SUPT3H: variants seen among roughly 807,000 people sequenced by gnomAD.
The protein encoded by SUPT3H is SPT3 homolog, SAGA and STAGA complex component.
A neutral mutation model predicts 44.3 loss-of-function variants in SUPT3H; 44 were observed. The ratio of observed to expected loss-of-function variants is 0.99; its 90% CI spans 0.78 to 1.28. The LOEUF is 1.28. Ranked by LOEUF, SUPT3H falls within the 50% of genes most tolerant of loss-of-function variation. The pLI, the probability that SUPT3H is intolerant of heterozygous loss-of-function variation, is 0.00. For synonymous variants in SUPT3H, 124 were observed against 125.6 expected, an observed-to-expected ratio of 0.99 and a Z score of 0.09; for missense variants, 380 against 387.1, an observed-to-expected ratio of 0.98 and a Z score of 0.15.
chr6:45,338,618 T>G (rs1789113820), intron 2 of SUPT3H, among the ~76,000 whole-genome samples: 1 of 152,152 alleles, frequency 6.6e-6, no homozygotes, highest in Admixed American at 6.5e-5. Flanking sequence ...ACTGACCATG[T>G]GATAAAAATA....
At chr6:44,911,530 T>C (rs565439436) in intron 10 of SUPT3H, among the ~76,000 whole-genome samples, 2 of 152,228 alleles carry the variant, frequency 1.3e-5, no homozygotes, top group Non-Finnish European at 2.9e-5. Flanking sequence ...AGTACCATCA[T>C]GATGGTCTTG....
chr6:45,145,194 G>T (rs1805844935), intron 2 of SUPT3H, among the ~76,000 whole-genome samples: 1 of 151,880 alleles, frequency 6.6e-6, no homozygotes, highest in Non-Finnish European at 1.5e-5. Flanking sequence ...GACCAATAAA[G>T]ATCCTACATA....
At chr6:45,024,721 T>C (rs1785692493) in intron 3 of SUPT3H, among the ~76,000 whole-genome samples, 1 of 152,172 alleles carries the variant, frequency 6.6e-6, no homozygotes, top group Non-Finnish European at 1.5e-5. Flanking sequence ...GGAGTGACTA[T>C]GAGGGTGTTT....
chr6:45,127,875 T>G (rs1315174195), intron 2 of SUPT3H, among the ~76,000 whole-genome samples: 2 of 152,222 alleles, frequency 1.3e-5, no homozygotes, highest in Non-Finnish European at 2.9e-5. Flanking sequence ...TTTAGATTCA[T>G]CTAATAAATT....
intron 6 of SUPT3H, among the ~76,000 whole-genome samples, chr6:44,990,100 G>A (rs1268212206): frequency 1.3e-5 from 2 of 152,184 alleles, no homozygotes; most frequent in East Asian, 1.9e-4. Flanking sequence ...TTTGCCCTAT[G>A]TTTTCTCCTA....
intron 3 of SUPT3H, among the ~76,000 whole-genome samples, chr6:45,076,988 C>T (rs1019771783): frequency 6.6e-6 from 1 of 152,070 alleles, no homozygotes; most frequent in Non-Finnish European, 1.5e-5. Context: ...TTCATGCATG[C>T]TATGTTCCCC....
intron 3 of SUPT3H, among the ~76,000 whole-genome samples, chr6:45,104,034 AAG>A (rs1459180371): frequency 6.6e-5 from 10 of 152,158 alleles, no homozygotes; most frequent in African/African-American, 2.2e-4. Context: ...AAAGAAATGT[AAG>A]AGACTTCATC....
chr6:44,862,023 C>T (rs1049730928), intron 10 of SUPT3H, among the ~76,000 whole-genome samples: 9 of 152,132 alleles, frequency 5.9e-5, no homozygotes, highest in African/African-American at 2.2e-4. Flanking sequence ...AAGGACACTA[C>T]CTTAAGGATT....
intron 2 of SUPT3H, among the ~76,000 whole-genome samples, chr6:45,303,103 T>G (rs1181621256): frequency 6.6e-6 from 1 of 152,168 alleles, no homozygotes; most frequent in Non-Finnish European, 1.5e-5. Flanking sequence ...TCTCTCACCT[T>G]ATACAAAAAT....
chr6:45,374,180 G>C (rs1314765280), intron 1 of SUPT3H, among the ~76,000 whole-genome samples: 3 of 152,114 alleles, frequency 2.0e-5, no homozygotes, highest in Non-Finnish European at 4.4e-5. Context: ...AATGACAAAA[G>C]AATGTGCCAG....
chr6:44,907,238 C>A (rs1374524125), intron 10 of SUPT3H, among the ~76,000 whole-genome samples: 1 of 152,188 alleles, frequency 6.6e-6, no homozygotes, highest in African/African-American at 2.4e-5. Context: ...TAATTTTTCA[C>A]CTCCTTTACG....
intron 10 of SUPT3H, among the ~76,000 whole-genome samples, chr6:44,929,885 A>C (rs948697534): frequency 3.3e-5 from 5 of 151,968 alleles, no homozygotes; most frequent in African/African-American, 1.2e-4. Flanking sequence ...TTTTAACTTT[A>C]AAAGGAAGAT....
intron 2 of SUPT3H, among the ~76,000 whole-genome samples, chr6:45,124,231 T>C (rs962146304): frequency 6.6e-6 from 1 of 152,040 alleles, no homozygotes; most frequent in African/African-American, 2.4e-5. Flanking sequence ...AGCTATTATA[T>C]TATTTAGTAA....
intron 2 of SUPT3H, among the ~76,000 whole-genome samples, chr6:45,129,961 G>T (rs570418645): frequency 6.6e-6 from 1 of 152,090 alleles, no homozygotes; most frequent in African/African-American, 2.4e-5. Context: ...AGCCACTTGC[G>T]AACTGGCACA....
intron 5 of SUPT3H, among the ~76,000 whole-genome samples, chr6:45,012,255 T>C (rs1274152265): frequency 6.6e-6 from 1 of 152,046 alleles, no homozygotes; most frequent in Non-Finnish European, 1.5e-5. Context: ...TTTGTTTTTC[T>C]ACTTTTTCTC....
intron 10 of SUPT3H, among the ~76,000 whole-genome samples, chr6:44,870,424 C>A (rs1776182554): frequency 6.6e-6 from 1 of 151,864 alleles, no homozygotes; most frequent in South Asian, 2.1e-4. Flanking sequence ...CGGTGAAACT[C>A]CATCTCTACG....
intron 2 of SUPT3H, chr6:45,328,736 A>G: frequency 1.9e-6 from 3 of 1,612,242 alleles, no homozygotes; most frequent in Non-Finnish European, 2.5e-6. Flanking sequence ...TATGGCATCA[A>G]ACAGCCTCTT....
intron 3 of SUPT3H, among the ~76,000 whole-genome samples, chr6:45,093,435 T>A (rs1797395845): frequency 1.3e-5 from 2 of 151,958 alleles, no homozygotes; most frequent in Non-Finnish European, 2.9e-5. Context: ...TTAACACTAA[T>A]CAAGAGTAAT....
intron 3 of SUPT3H, among the ~76,000 whole-genome samples, chr6:45,087,024 T>C (rs180903893): frequency 2.3e-3 from 346 of 152,082 alleles, no homozygotes; most frequent in Non-Finnish European, 4.0e-3. Context: ...CAAACAAAAA[T>C]TTCTGTTCCA....
Sources: gnomAD v4.1 joint callset for allele counts (sites outside exome capture counted in the v4.1 genomes callset) on GRCh38, gnomAD v4.1.1 for gene constraint, MANE v1.5 for transcripts, NCBI Gene and HGNC (gene_info 2026-07-23, HGNC 2026-07-21) for gene names.